POLN: variants seen among roughly 807,000 people sequenced by gnomAD.
POLN encodes DNA polymerase nu.
POLN carries 108 observed loss-of-function variants against 113.5 expected under a neutral mutation model. The observed-to-expected ratio is 0.95, with a 90% CI of 0.81 to 1.12. The LOEUF is 1.12. POLN is among the 50% of genes most tolerant of loss of function. POLN has a pLI of 0.00. For synonymous variants in POLN, 386 were observed against 391.5 expected, an observed-to-expected ratio of 0.99 and a Z score of 0.17; for missense variants, 1,097 against 1,077.1, an observed-to-expected ratio of 1.02 and a Z score of -0.26.
chr4:2,075,975 G>A (rs540359757), intron 23 of POLN, among the ~76,000 whole-genome samples: 1 of 152,116 alleles, frequency 6.6e-6, no homozygotes, highest in African/African-American at 2.4e-5. Context: ...GCCGAGCCTC[G>A]AACAACATCA....
intron 16 of POLN, among the ~76,000 whole-genome samples, chr4:2,135,362 G>A (rs970074030): frequency 8.5e-5 from 13 of 152,174 alleles, no homozygotes; most frequent in East Asian, 1.9e-4. Flanking sequence ...ATATCAGCCC[G>A]TGCCAAGCTT....
chr4:2,130,266 AGAGGAGAGGGGAGGAGAGGG>A (rs1279034389), intron 17 of POLN, among the ~76,000 whole-genome samples: 2 of 121,648 alleles, frequency 1.6e-5, no homozygotes, highest in Non-Finnish European at 1.7e-5. Flanking sequence ...ACAGAAGAGG[AGAGGAGAGGGGAGGAGAGGG>A]GAGGAGAGGG....
At chr4:2,221,846 A>C (rs1307519511) in intron 3 of POLN, among the ~76,000 whole-genome samples, 1 of 152,124 alleles carries the variant, frequency 6.6e-6, no homozygotes, top group Admixed American at 6.5e-5. Context: ...AAATACTGGG[A>C]TTACAGGGGT....
In POLN at chr4:2,159,180, G is replaced by A; in HGVS notation, c.1586C>T (p.Pro529Leu). 6.2e-7 allele frequency: 1 copy of A among 1,608,496 alleles called. No individual in the cohort carries two copies. Among genetic ancestry groups the A allele is most frequent in the South Asian group, 1.1e-5 (1 of 90,552 alleles). Reference sequence around the variant, plus strand: ...CTGCCTGTATTCCAAAATTATCTTGGGTAATGGATGAAGGTCTCGCAGAGC... The same window carrying A: ...CTGCCTGTATTCCAAAATTATCTTGAGTAATGGATGAAGGTCTCGCAGAGC... The part of the protein sequence containing the change: ...LNALRDLHPL[P>L]KIILEYRQVH... Residue 529 changes from proline to leucine, a missense_variant, in exon 14 of 26, where the codon CCC (proline) becomes CTC (leucine). Physicochemically the swap from Pro to Leu is moderately conservative, Grantham distance 98. Transcript: ENST00000511885.
intron 3 of POLN, among the ~76,000 whole-genome samples, chr4:2,227,152 T>C (rs192522166): frequency 6.6e-6 from 1 of 152,328 alleles, no homozygotes; most frequent in Non-Finnish European, 1.5e-5. Context: ...GATCACATTA[T>C]ATAAAACTGT....
At chr4:2,118,503 C>T (rs769405952) in intron 19 of POLN, among the ~76,000 whole-genome samples, 30 of 152,208 alleles carry the variant, frequency 2.0e-4, no homozygotes, top group Non-Finnish European at 4.1e-4. Context: ...CACGTTCTAG[C>T]ATTCTGTTGG....
At chr4:2,190,039 A>G (rs970682794) in intron 7 of POLN, among the ~76,000 whole-genome samples, 9 of 151,456 alleles carry the variant, frequency 5.9e-5, no homozygotes, top group Admixed American at 1.3e-4. Context: ...AAAAAAAAAA[A>G]AAAGAAATAG....
At chr4:2,109,488 T>C (rs1038691559) in intron 19 of POLN, among the ~76,000 whole-genome samples, 1 of 152,230 alleles carries the variant, frequency 6.6e-6, no homozygotes, top group African/African-American at 2.4e-5. Flanking sequence ...AGGGAATGAA[T>C]GATTGAATGA....
intron 19 of POLN, among the ~76,000 whole-genome samples, chr4:2,099,672 TG>T (rs924362522): frequency 6.6e-6 from 1 of 152,174 alleles, no homozygotes; most frequent in Non-Finnish European, 1.5e-5. Context: ...AAGTCATGTG[TG>T]GACTTTAGTT....
chr4:2,223,278 G>A (rs773944440), intron 3 of POLN, among the ~76,000 whole-genome samples: 1 of 152,160 alleles, frequency 6.6e-6, no homozygotes. Flanking sequence ...ACCAGTACCT[G>A]TCTGTAGTCT....
chr4:2,079,678 G>T, intron 23 of POLN: 1 of 901,546 alleles, frequency 1.1e-6, no homozygotes, highest in Non-Finnish European at 1.3e-6. Flanking sequence ...TCCACCTCCT[G>T]GGTTCAAGCG....
chr4:2,105,182 C>T (rs1731032951), intron 19 of POLN, among the ~76,000 whole-genome samples: 1 of 152,184 alleles, frequency 6.6e-6, no homozygotes. Context: ...TGCTGCTGGC[C>T]CCCAATTGCC....
chr4:2,221,491 T>G (rs1431244903), intron 3 of POLN, among the ~76,000 whole-genome samples: 1 of 152,202 alleles, frequency 6.6e-6, no homozygotes, highest in Non-Finnish European at 1.5e-5. Context: ...CCCCACTGTT[T>G]ATGTAAAAAT....
intron 5 of POLN, among the ~76,000 whole-genome samples, chr4:2,203,578 TAA>T (rs775806584): frequency 1.5e-4 from 18 of 116,150 alleles, no homozygotes; most frequent in Admixed American, 2.7e-4. Context: ...AGACTCTGTC[TAA>T]AAAAAAAAAA....
intron 7 of POLN, among the ~76,000 whole-genome samples, chr4:2,183,854 T>C (rs1303419477): frequency 6.6e-6 from 1 of 152,092 alleles, no homozygotes; most frequent in Non-Finnish European, 1.5e-5. Flanking sequence ...TTTAAAGCTA[T>C]ACCAGAAAGC....
chr4:2,158,118 A>C (rs916668491), intron 14 of POLN, among the ~76,000 whole-genome samples: 4 of 152,084 alleles, frequency 2.6e-5, no homozygotes, highest in African/African-American at 9.7e-5. Flanking sequence ...TGCTCGGCTA[A>C]GTTTTATATT....
intron 6 of POLN, among the ~76,000 whole-genome samples, chr4:2,195,267 C>T (rs1487443150): frequency 1.3e-5 from 2 of 151,914 alleles, no homozygotes; most frequent in African/African-American, 2.4e-5. Flanking sequence ...AAAATTAAGC[C>T]TCAACATTCA....
At chr4:2,131,336 A>G (rs774596914) in intron 16 of POLN, 46 bp from the exon 17 acceptor site, 3 of 1,279,332 alleles carry the variant, frequency 2.3e-6, no homozygotes, top group Non-Finnish European at 3.4e-6. Context: ...TCTACTCTTA[A>G]TCTGTACTAC....
chr4:2,158,289 CAG>C (rs1449533463), intron 14 of POLN, among the ~76,000 whole-genome samples: 1 of 151,474 alleles, frequency 6.6e-6, no homozygotes, highest in Non-Finnish European at 1.5e-5. Flanking sequence ...TAGTGTTTCA[CAG>C]AGTGCCGGGC....
Sources: allele counts gnomAD v4.1 joint callset (sites outside exome capture counted in the v4.1 genomes callset), GRCh38; gene constraint gnomAD v4.1.1; transcripts MANE v1.5; gene names NCBI Gene and HGNC (gene_info 2026-07-23, HGNC 2026-07-21).